SIPA1L1: variants seen among roughly 807,000 people sequenced by gnomAD.
The protein encoded by SIPA1L1 is signal-induced proliferation-associated 1-like protein 1.
Under a neutral mutation model 162.7 loss-of-function variants are expected in SIPA1L1, and 26 were observed. That is an observed-to-expected ratio of 0.16 (90% CI 0.12 to 0.22). SIPA1L1 has a LOEUF of 0.22. SIPA1L1 is among the 10% of genes least tolerant of loss of function. SIPA1L1 has a pLI of 1.00. For synonymous variants in SIPA1L1, 829 were observed against 837.4 expected (o/e 0.99, Z 0.17); for missense variants, 1,874 against 2,241.0 (o/e 0.84, Z 3.31).
At chr14:71,542,701 CCTCCCT>C (rs1212867407) in intron 4 of SIPA1L1, among the ~76,000 whole-genome samples, 1 of 118,780 alleles carries the variant, frequency 8.4e-6, no homozygotes, top group African/African-American at 3.3e-5. Context: ...CCCTTCTCCT[CCTCCCT>C]CCTCCTCCTC....
chr14:71,644,062 T>C (rs2066943811), intron 7 of SIPA1L1, among the ~76,000 whole-genome samples: 1 of 152,176 alleles, frequency 6.6e-6, no homozygotes, highest in African/African-American at 2.4e-5. Flanking sequence ...CACCTCGGCC[T>C]CCCAAAGTGC....
chr14:71,684,081 A>G (rs994725930), intron 12 of SIPA1L1, among the ~76,000 whole-genome samples: 1 of 152,136 alleles, frequency 6.6e-6, no homozygotes, highest in East Asian at 1.9e-4. Flanking sequence ...GGCTTTTGGG[A>G]CATTTGGGGG....
intron 22 of SIPA1L1, among the ~76,000 whole-genome samples, chr14:71,736,025 C>T (rs1054840895): frequency 6.6e-6 from 1 of 152,136 alleles, no homozygotes; most frequent in African/African-American, 2.4e-5. Flanking sequence ...TTAAAGCATC[C>T]CATCAGTCAG....
intron 4 of SIPA1L1, among the ~76,000 whole-genome samples, chr14:71,569,072 G>A (rs1567220169): frequency 6.6e-6 from 1 of 152,022 alleles, no homozygotes; most frequent in Non-Finnish European, 1.5e-5. Flanking sequence ...AGTTAAATAC[G>A]TTGCATTGAA....
At chr14:71,489,592 C>T (rs3088206) in intron 2 of SIPA1L1, among the ~76,000 whole-genome samples, 8 of 151,716 alleles carry the variant, frequency 5.3e-5, no homozygotes. Flanking sequence ...TGGAGACTGC[C>T]TAAATCAGGG....
intron 6 of SIPA1L1, among the ~76,000 whole-genome samples, chr14:71,622,736 G>C (rs778061591): frequency 6.6e-6 from 1 of 152,156 alleles, no homozygotes; most frequent in Non-Finnish European, 1.5e-5. Flanking sequence ...GCCTCCAGTT[G>C]CTTCCTCTCA....
At chr14:71,696,447 C>G (rs1435512448) in intron 13 of SIPA1L1, among the ~76,000 whole-genome samples, 1 of 152,188 alleles carries the variant, frequency 6.6e-6, no homozygotes, top group African/African-American at 2.4e-5. Context: ...CTTTTTCTTG[C>G]ATTTTAGAAG....
chr14:71,564,490 C>CTTTT lies in SIPA1L1; in HGVS notation c.-302-23073_-302-23070dup, dbSNP rs370431365. Among the ~76,000 whole-genome samples the CTTTT allele has an allele frequency of 5.5e-4, 54 of 97,778 alleles. 1 individual carries two copies. Among genetic ancestry groups the CTTTT allele is most frequent in the East Asian group, 2.1e-3 (7 of 3,278 alleles). The allele number at this position is 97,778 out of a possible 152,430, so 64.1% of individuals were successfully genotyped here. A position where few individuals can be genotyped will look rare whatever the true frequency, so the allele number is the denominator to read the frequency against. ...ACTTCTTATCCTCGGCATTTTCTTTCTTTTTTTTTTTCCGAGACAGAGTCT... is the reference window on the plus strand; with the variant it reads ...ACTTCTTATCCTCGGCATTTTCTTTCTTTTTTTTTTTTTTTCCGAGACAGAGTCT... On this transcript the variant is annotated intron_variant, in intron 4 of 23. Transcript: ENST00000381232.
intron 4 of SIPA1L1, among the ~76,000 whole-genome samples, chr14:71,569,490 G>GGGAACCACT (rs2031502810): frequency 6.6e-6 from 1 of 152,228 alleles, no homozygotes; most frequent in Admixed American, 6.5e-5. Context: ...GATGCTGGCA[G>GGGAACCACT]TCAGACGGGA....
chr14:71,704,333 C>A lies in SIPA1L1; in HGVS notation c.3647-889C>A, dbSNP rs151002108. On this transcript the variant is annotated intron_variant, in intron 15 of 23. Transcript: ENST00000381232. ...CTACTCAGTTTATAAGAACAGCATT[C>A]TCTAATGACTTGCACTGATTGAGAA... Among the ~76,000 whole-genome samples, 155 of 152,276 alleles carry A rather than the reference C, an allele frequency of 1.0e-3. 1 individual carries two copies. Among genetic ancestry groups the A allele is most frequent in the Non-Finnish European group, 2.1e-3 (140 of 68,014 alleles).
intron 5 of SIPA1L1, among the ~76,000 whole-genome samples, chr14:71,605,577 G>A (rs1412063194): frequency 6.6e-6 from 1 of 152,106 alleles, no homozygotes; most frequent in African/African-American, 2.4e-5. Flanking sequence ...ATTGGGTAGG[G>A]CATTTTGACT....
At chr14:71,358,109 G>T (rs1233882841) in intron 2 of SIPA1L1, among the ~76,000 whole-genome samples, 1 of 152,058 alleles carries the variant, frequency 6.6e-6, no homozygotes, top group Non-Finnish European at 1.5e-5. Flanking sequence ...TGATCTACCT[G>T]CCTGGACCTC....
Position 71,717,675 on chromosome 14 carries a change from T to C in SIPA1L1, c.4209-5972T>C, listed in dbSNP as rs147077119. On this transcript the variant is annotated intron_variant, in intron 17 of 23. Coordinates refer to ENST00000381232, the MANE Select transcript of SIPA1L1 (RefSeq NM_001386936.1). ...TAGCTTCATGGTAGTTGTATTGTAATTTAATCTACTTCAGAGATTCTTAGG... is the reference window on the plus strand; with the variant it reads ...TAGCTTCATGGTAGTTGTATTGTAACTTAATCTACTTCAGAGATTCTTAGG... Among the ~76,000 whole-genome samples the C allele has an allele frequency of 3.4e-4, 52 of 152,316 alleles. 1 individual carries two copies. The highest frequency in any genetic ancestry group is 3.4e-3 in the Middle Eastern group (1 of 294).
chr14:71,614,310 A>G (rs890872500), intron 5 of SIPA1L1, among the ~76,000 whole-genome samples: 1 of 152,142 alleles, frequency 6.6e-6, no homozygotes, highest in Non-Finnish European at 1.5e-5. Context: ...TTTAAATAGT[A>G]CATTAGGATT....
intron 2 of SIPA1L1, among the ~76,000 whole-genome samples, chr14:71,327,863 C>T (rs184568919): frequency 3.8e-4 from 58 of 152,208 alleles, no homozygotes; most frequent in South Asian, 1.9e-3. Flanking sequence ...ATTTGACATA[C>T]GAAGAGAGTG....
chr14:71,684,650 T>C (rs1490086092), intron 12 of SIPA1L1, among the ~76,000 whole-genome samples: 1 of 151,468 alleles, frequency 6.6e-6, no homozygotes, highest in African/African-American at 2.4e-5. Flanking sequence ...GTGGTGGGGG[T>C]GTGAAGCTGC....
At chr14:71,726,040 G>A (rs990794419) in intron 19 of SIPA1L1, among the ~76,000 whole-genome samples, 10 of 152,232 alleles carry the variant, frequency 6.6e-5, no homozygotes, top group South Asian at 4.2e-4. Context: ...GTGTGTGTGC[G>A]TGTGCATGCA....
chr14:71,698,996 G>A lies in SIPA1L1; in HGVS notation c.3390G>A (p.Ser1130=), dbSNP rs199769945. 134 of 1,614,088 alleles carry A rather than the reference G, an allele frequency of 8.3e-5. No homozygotes were observed. Among genetic ancestry groups the A allele is most frequent in the Admixed American group, 2.2e-4 (13 of 60,016 alleles). ...GCACATGCAGGCTGTCTCCTGGTTC[G>A]GACATCTATGTGACGGTCTCATCCA... ...RPLERRLSPG[S]DIYVTVSSMA... The change falls in exon 14 of 24, where the codon TCG becomes TCA. Residue 1130 remains serine, a synonymous_variant. Coordinates refer to ENST00000381232, the MANE Select transcript of SIPA1L1 (RefSeq NM_001386936.1).
At chr14:71,626,763 G>T (rs1362056951) in intron 7 of SIPA1L1, among the ~76,000 whole-genome samples, 1 of 152,046 alleles carries the variant, frequency 6.6e-6, no homozygotes, top group Non-Finnish European at 1.5e-5. Context: ...TGGTTTAAAT[G>T]ATTCTTTTAA....
Sources: gnomAD v4.1 joint callset for allele counts (sites outside exome capture counted in the v4.1 genomes callset) on GRCh38, gnomAD v4.1.1 for gene constraint, MANE v1.5 for transcripts, NCBI Gene and HGNC (gene_info 2026-07-23, HGNC 2026-07-21) for gene names.